WTIP: variants seen among roughly 807,000 people sequenced by gnomAD.
The protein encoded by WTIP is Wilms tumor protein 1-interacting protein.
In WTIP, 23 loss-of-function variants were observed where a neutral mutation model predicts 41.7. That is an observed-to-expected ratio of 0.55 (90% CI 0.40 to 0.78). WTIP has a LOEUF of 0.78. Ranked by LOEUF, WTIP falls within the 30% of genes least tolerant of loss-of-function variation. WTIP has a pLI of 0.00. For missense variants in WTIP, 619 were observed against 610.5 expected, an observed-to-expected ratio of 1.01 and a Z score of -0.15; for synonymous variants, 314 against 269.9, an observed-to-expected ratio of 1.16 and a Z score of -1.60.
At chr19:34,494,660 T>C in intron 6 of WTIP, 23 bp downstream of exon 6, 2 of 1,610,644 alleles carry the variant, frequency 1.2e-6, no homozygotes, top group Non-Finnish European at 8.5e-7. Context: ...CACCCAGAGA[T>C]GATCAGGTGC....
intron 1 of WTIP, among the ~76,000 whole-genome samples, chr19:34,483,875 C>T (rs2075783560): frequency 6.9e-6 from 1 of 143,910 alleles, no homozygotes; most frequent in South Asian, 2.3e-4. Flanking sequence ...TGTCTTTGAG[C>T]GTTCAATGGT....
intron 1 of WTIP, among the ~76,000 whole-genome samples, chr19:34,483,379 C>A (rs1348053045): frequency 1.3e-5 from 2 of 151,978 alleles, no homozygotes; most frequent in Admixed American, 6.6e-5. Flanking sequence ...TTTCATGCTT[C>A]GTGATGAGCA....
rs938561546 is a variant in WTIP, at chr19:34,493,833, C to G, written c.1031+211C>G. ...CCACCAGCTGTCTTTTGCCTCTTCT[C>G]TCCCTATCGTGGCCTGCATGCTTCT... On this transcript the variant is annotated intron_variant, in intron 5 of 7. Coordinates refer to ENST00000590071, the MANE Select transcript of WTIP (RefSeq NM_001080436.2). The surrounding 1 kb of genome is among the most constrained non-coding windows in gnomAD (Gnocchi z 4.1). Among the ~76,000 whole-genome samples, 5 of 152,114 alleles carry G rather than the reference C, an allele frequency of 3.3e-5. No homozygotes were observed. The highest frequency in any genetic ancestry group is 5.9e-5 in the Non-Finnish European group (4 of 68,010).
Position 34,491,486 on chromosome 19 carries a change from G to A in WTIP, c.769+1009G>A, listed in dbSNP as rs139766123. ...TTACAGGCACACGCCACCACTCCCA[G>A]CTAATTTTTGTATTTTTTTAGTGAG... On this transcript the variant is annotated intron_variant, in intron 2 of 7. Transcript: ENST00000590071. Among the ~76,000 whole-genome samples the A allele has an allele frequency of 3.4e-3, 511 of 151,890 alleles. 3 individuals are homozygous for A. Among genetic ancestry groups the A allele is most frequent in the Non-Finnish European group, 5.9e-3 (401 of 67,960 alleles).
At position 34,493,470 on chromosome 19, in the gene WTIP, C is replaced by T. The variant is rs748998084; in HGVS notation, c.901-22C>T. ...GCTGAGCCTCCTGCCCGCGCTGACC[C>T]CTCAGTGTGCCCCGCCCACAGATCC... is the stretch of plus-strand genomic sequence containing the variant. On this transcript the variant is annotated intron_variant, in intron 4 of 7. Transcript: ENST00000590071. The surrounding 1 kb of genome is among the most constrained non-coding windows in gnomAD (Gnocchi z 4.1). 1.2e-6 allele frequency: 2 copies of T among 1,612,880 alleles called. No individual in the cohort carries two copies. The highest frequency in any genetic ancestry group is 1.7e-6 in the Non-Finnish European group (2 of 1,179,686).
intron 7 of WTIP, 51 bp from the exon 8 acceptor site, chr19:34,500,077 TG>T: frequency 6.3e-7 from 1 of 1,583,948 alleles, no homozygotes; most frequent in African/African-American, 1.3e-5. Flanking sequence ...CCGTGACCTC[TG>T]ATGTGCGCTT....
At chr19:34,496,587 G>A (rs1296386708) in intron 7 of WTIP, among the ~76,000 whole-genome samples, 2 of 152,050 alleles carry the variant, frequency 1.3e-5, no homozygotes, top group East Asian at 1.9e-4. Flanking sequence ...TCAGGGTTGG[G>A]GGCCTGGGTT....
chr19:34,483,006 C>CTTTTTTTTTTTTTTTCTTCTT (rs1568395533), intron 1 of WTIP, among the ~76,000 whole-genome samples: 3 of 123,038 alleles, frequency 2.4e-5, no homozygotes, highest in African/African-American at 6.3e-5. Flanking sequence ...TTTCTTTCTT[C>CTTTTTTTTTTTTTTTCTTCTT]TTTTTTTTTT....
At chr19:34,484,504 A>G (rs1166519869) in intron 1 of WTIP, among the ~76,000 whole-genome samples, 1 of 152,218 alleles carries the variant, frequency 6.6e-6, no homozygotes, top group East Asian at 1.9e-4. Flanking sequence ...GCCTGGGAGC[A>G]GGGAGATGTG....
At chr19:34,498,998 C>T (rs116207406) in intron 7 of WTIP, among the ~76,000 whole-genome samples, 8,167 of 151,134 alleles carry the variant, frequency 0.054, 721 homozygotes, top group African/African-American at 0.19. Flanking sequence ...GTTGTGAAGC[C>T]AGGGGTTCAA....
chr19:34,495,589 G>A, intron 6 of WTIP, 114 bp from the exon 7 acceptor site: 4 of 1,163,902 alleles, frequency 3.4e-6, no homozygotes, highest in Non-Finnish European at 3.7e-6. Flanking sequence ...TGCTCCCCGG[G>A]GCGGGCGTGC....
chr19:34,482,205 G>T lies in WTIP; in HGVS notation c.231G>T (p.Ala77=). The T allele has an allele frequency of 8.9e-7, 1 of 1,124,584 alleles. No homozygotes were observed. Among genetic ancestry groups the T allele is most frequent in the Non-Finnish European group, 1.1e-6 (1 of 921,694 alleles). 69.7% of individuals were successfully genotyped at this position (1,124,584 alleles called of 1,614,324 possible). ...SRGERGPRRA[A]VPELSAQPAG... ...GGGAGCGGGGTCCCCGGCGCGCGGC[G>T]GTTCCGGAGCTCAGCGCGCAGCCTG... The change falls in exon 1 of 8, where the codon GCG becomes GCT. Residue 77 remains alanine (A), a synonymous_variant. Coordinates refer to ENST00000590071, the MANE Select transcript of WTIP (RefSeq NM_001080436.2).
intron 2 of WTIP, among the ~76,000 whole-genome samples, chr19:34,492,649 A>G (rs547398483): frequency 6.7e-6 from 1 of 148,530 alleles, no homozygotes; most frequent in East Asian, 2.0e-4. Flanking sequence ...AGATCACGCC[A>G]CTGCACTCCA....
chr19:34,491,791 C>T (rs146061290), intron 2 of WTIP, among the ~76,000 whole-genome samples: 1,917 of 152,030 alleles, frequency 0.013, 42 homozygotes, highest in African/African-American at 0.044. Context: ...ACTATAGGCG[C>T]GCAACACCAC....
At chr19:34,484,759 C>A (rs540353019) in intron 1 of WTIP, among the ~76,000 whole-genome samples, 1 of 151,918 alleles carries the variant, frequency 6.6e-6, no homozygotes, top group African/African-American at 2.4e-5. Context: ...TGTGGTGGCA[C>A]ATTTTTTTTC....
chr19:34,497,640 G>A (rs924333292), intron 7 of WTIP, among the ~76,000 whole-genome samples: 8 of 152,194 alleles, frequency 5.3e-5, no homozygotes, highest in South Asian at 4.1e-4. Context: ...GGCTGCCGGC[G>A]ACCGCGCCCC....
At chr19:34,482,738 A>G in intron 1 of WTIP, 97 bp downstream of exon 1, 6 of 1,201,302 alleles carry the variant, frequency 5.0e-6, no homozygotes, top group South Asian at 8.6e-5. Flanking sequence ...GGAGGAGAGC[A>G]CGGGGCTGGC....
chr19:34,492,078 T>C (rs2075828201), intron 2 of WTIP, among the ~76,000 whole-genome samples: 1 of 150,596 alleles, frequency 6.6e-6, no homozygotes, highest in African/African-American at 2.4e-5. Flanking sequence ...TAGTGCATAC[T>C]CTTTAATGGC....
At chr19:34,496,094 T>A (rs1365550476) in intron 7 of WTIP, among the ~76,000 whole-genome samples, 1 of 152,068 alleles carries the variant, frequency 6.6e-6, no homozygotes, top group Non-Finnish European at 1.5e-5. Flanking sequence ...GAGGCAGAGG[T>A]TGCAGTGAGC....
Sources: gnomAD v4.1 joint callset for allele counts (sites outside exome capture counted in the v4.1 genomes callset) on GRCh38, gnomAD v4.1.1 for gene constraint, Gnocchi (gnomAD v3.1) non-coding constraint, MANE v1.5 for transcripts, NCBI Gene and HGNC (gene_info 2026-07-23, HGNC 2026-07-21) for gene names.